LMNB2: variants seen among roughly 807,000 people sequenced by gnomAD.
LMNB2 encodes lamin-B2.
A neutral mutation model predicts 69.3 loss-of-function variants in LMNB2; 17 were observed. The observed-to-expected ratio is 0.25, with a 90% CI of 0.17 to 0.37. The LOEUF (loss-of-function observed/expected upper bound fraction) is 0.37, where lower values mean the gene tolerates loss of function less well. Ranked by LOEUF, LMNB2 falls within the 10% of genes least tolerant of loss-of-function variation. The pLI is 1.00. For missense variants in LMNB2, 789 were observed against 883.6 expected (o/e 0.89, Z 1.36); for synonymous variants, 397 against 389.3 (o/e 1.02, Z -0.23).
intron 4 of LMNB2, among the ~76,000 whole-genome samples, chr19:2,437,431 G>A (rs1971841347): frequency 6.6e-6 from 1 of 152,246 alleles, no homozygotes; most frequent in Non-Finnish European, 1.5e-5. Flanking sequence ...CAGGCGGCCA[G>A]GGTTCAGCTC....
intron 1 of LMNB2, among the ~76,000 whole-genome samples, chr19:2,456,011 G>A (rs1316992639): frequency 6.6e-6 from 1 of 150,884 alleles, no homozygotes; most frequent in African/African-American, 2.4e-5. Context: ...CGCACCCCGC[G>A]GTGGCCAGGA....
At chr19:2,446,412 C>T (rs917236922) in intron 1 of LMNB2, among the ~76,000 whole-genome samples, 2 of 152,208 alleles carry the variant, frequency 1.3e-5, no homozygotes, top group South Asian at 2.1e-4. Flanking sequence ...CAGGTGAACT[C>T]GAGGCACATG....
In LMNB2 at chr19:2,435,191, G is replaced by T. The variant is rs1475350474; in HGVS notation, c.685-20C>A. On this transcript the variant is annotated intron_variant, in intron 4 of 11. Coordinates refer to ENST00000325327, the MANE Select transcript of LMNB2 (RefSeq NM_032737.4). ...CACCTCCTGCGGACCAAGGCTTCGT[G>T]ACCCTCTGGTCCCGCCTGGGCCCCA... is the stretch of plus-strand genomic sequence containing the variant. 6.3e-7 allele frequency: 1 copy of T among 1,598,862 alleles called. No individual in the cohort carries two copies. The highest frequency in any genetic ancestry group is 1.1e-5 in the South Asian group (1 of 91,004).
chr19:2,438,588 A>G, intron 2 of LMNB2, 57 bp from the exon 3 acceptor site: 1 of 1,586,070 alleles, frequency 6.3e-7, no homozygotes, highest in Non-Finnish European at 8.6e-7. Flanking sequence ...GGCCACAGGG[A>G]GCACCTCAGG....
At chr19:2,436,638 C>T (rs1599333614) in intron 4 of LMNB2, among the ~76,000 whole-genome samples, 1 of 144,928 alleles carries the variant, frequency 6.9e-6, no homozygotes, top group Admixed American at 6.8e-5. Context: ...CCCCCACAGC[C>T]GCGCACCCAC....
In LMNB2 at chr19:2,430,260, G is replaced by A. The variant is rs1323164625; in HGVS notation, c.*651C>T. On this transcript the variant is annotated 3_prime_UTR_variant, in exon 12 of 12. Coordinates refer to ENST00000325327, the MANE Select transcript of LMNB2 (RefSeq NM_032737.4). The stretch of plus-strand genomic sequence containing the variant: ...TGCACAGTCAGGAACTGAACTGCGG[G>A]AAAACTCCCCCAAATAAAGTCAACG... 1 of 173,998 alleles carries A rather than the reference G, an allele frequency of 5.7e-6. No individual in the cohort carries two copies. Among genetic ancestry groups the A allele is most frequent in the Admixed American group, 5.4e-5 (1 of 18,560 alleles). 10.8% of individuals were successfully genotyped at this position (173,998 alleles called of 1,614,324 possible). A position where few individuals can be genotyped will look rare whatever the true frequency, so the allele number is the denominator to read the frequency against.
At chr19:2,435,294 T>C (rs984251654) in intron 4 of LMNB2, 123 bp from the exon 5 acceptor site, 40 of 1,335,030 alleles carry the variant, frequency 3.0e-5, no homozygotes, top group Middle Eastern at 2.6e-4. Context: ...GTGCACAAGT[T>C]ACAAACCGAT....
At position 2,456,880 on chromosome 19, in the gene LMNB2, G is replaced by T. The variant is rs1972097791; in HGVS notation, c.54C>A (p.Ala18=). Residue 18 remains alanine, a synonymous_variant, in exon 1 of 12, where the codon GCC becomes GCA. Coordinates refer to ENST00000325327, the MANE Select transcript of LMNB2 (RefSeq NM_032737.4). ...RRREQRRPRA[A]ATMATPLPGR... is the part of the protein sequence containing the mutation. ...CGGGCAGCGGCGTGGCCATGGTGGCGGCGGCTCGCGGCCTGCGCTGCTCCC... is the reference window on the plus strand; with the variant it reads ...CGGGCAGCGGCGTGGCCATGGTGGCTGCGGCTCGCGGCCTGCGCTGCTCCC... 1.8e-6 allele frequency: 2 copies of T among 1,089,696 alleles called. No homozygotes were observed. Among genetic ancestry groups the T allele is most frequent in the South Asian group, 4.3e-5 (1 of 23,326 alleles). 67.5% of individuals were successfully genotyped at this position (1,089,696 alleles called of 1,614,324 possible).
At chr19:2,438,616 A>G in intron 2 of LMNB2, 85 bp from the exon 3 acceptor site, 1 of 1,517,920 alleles carries the variant, frequency 6.6e-7, no homozygotes, top group Non-Finnish European at 8.9e-7. Flanking sequence ...AGGCAAGCCC[A>G]AAGACAAGGT....
At chr19:2,448,589 T>G (rs1971985850) in intron 1 of LMNB2, among the ~76,000 whole-genome samples, 2 of 152,208 alleles carry the variant, frequency 1.3e-5, no homozygotes, top group South Asian at 4.1e-4. Context: ...GGCTCACCCC[T>G]GTCATCCCAG....
rs1972048503 is a variant in LMNB2 at position 2,453,156 on chromosome 19, A to AC, written c.264+3513dup. The stretch of plus-strand genomic sequence containing the variant: ...GGGCGCTGAGCAGTACCCAGCCTCC[A>AC]CCCACGCTGTGCCGATGCCGTCTCC... On this transcript the variant is annotated intron_variant, in intron 1 of 11. Transcript: ENST00000325327. This position sits in a 1 kb window ranked among gnomAD's most constrained non-coding sequence, Gnocchi z 4.4. 2.6e-5 allele frequency among the ~76,000 whole-genome samples: 4 copies of AC among 151,582 alleles called. 1 individual carries two copies. The South Asian group carries it at 8.3e-4, about 31-fold the overall frequency.
rs1568200210 is a variant in LMNB2 at position 2,430,804 on chromosome 19, C to T, written c.*107G>A. 1.1e-6 allele frequency: 1 copy of T among 871,972 alleles called. No individual in the cohort carries two copies. Among genetic ancestry groups the T allele is most frequent in the Non-Finnish European group, 2.0e-6 (1 of 507,276 alleles). The allele number at this position is 871,972 out of a possible 1,614,324, so 54.0% of individuals were successfully genotyped here. On this transcript the variant is annotated 3_prime_UTR_variant, in exon 12 of 12. Coordinates refer to ENST00000325327, the MANE Select transcript of LMNB2 (RefSeq NM_032737.4). ...CCCACCCACACGTTCTGGCAGTTCG[C>T]TTAGAAATTCTCTAGAAATGTATCA...
intron 8 of LMNB2, among the ~76,000 whole-genome samples, 165 bp from the exon 9 acceptor site, chr19:2,432,688 G>A (rs1444053507): frequency 1.4e-5 from 2 of 147,314 alleles, no homozygotes; most frequent in East Asian, 2.0e-4. Context: ...CCCCTGCCTC[G>A]TCCTGACCGG....
chr19:2,452,944 T>C (rs1172538676), intron 1 of LMNB2, among the ~76,000 whole-genome samples: 1 of 134,094 alleles, frequency 7.5e-6, no homozygotes, highest in East Asian at 2.4e-4. Flanking sequence ...TGCGTCATCC[T>C]CATGGGGGCT....
In LMNB2 at chr19:2,438,657, G is replaced by A. The variant is rs566017465; in HGVS notation, c.402-126C>T. ...AGGCCTCCGAGCCCCAGACCTTCCC[G>A]TCCTGCAGACGACGCGGCCCCACGC... On this transcript the variant is annotated intron_variant, in intron 2 of 11. Transcript: ENST00000325327. The A allele has an allele frequency of 8.1e-5, 97 of 1,193,128 alleles. No homozygotes were observed. In the African/African-American group the frequency reaches 9.7e-4, roughly 12 times the overall value. 73.9% of individuals were successfully genotyped at this position (1,193,128 alleles called of 1,614,324 possible).
chr19:2,430,824 G>A lies in LMNB2; in HGVS notation c.*87C>T. ...GTTCGCTTAGAAATTCTCTAGAAATGTATCAAGAACTAAAGAAAGCCAATG... is the reference window on the plus strand; with the variant it reads ...GTTCGCTTAGAAATTCTCTAGAAATATATCAAGAACTAAAGAAAGCCAATG... On this transcript the variant is annotated 3_prime_UTR_variant, in exon 12 of 12. Transcript: ENST00000325327. 2.2e-6 allele frequency: 2 copies of A among 926,710 alleles called. No homozygotes were observed. Among genetic ancestry groups the A allele is most frequent in the Non-Finnish European group, 1.8e-6 (1 of 552,424 alleles). 57.4% of individuals were successfully genotyped at this position (926,710 alleles called of 1,614,324 possible).
At chr19:2,436,608 C>A (rs1323119376) in intron 4 of LMNB2, among the ~76,000 whole-genome samples, 1 of 147,586 alleles carries the variant, frequency 6.8e-6, no homozygotes. Context: ...CGCTCACCCA[C>A]CTGCACTGCC....
In LMNB2 at chr19:2,456,784, C is replaced by T; in HGVS notation, c.150G>A (p.Leu50=). The change falls in exon 1 of 12, where the codon CTG becomes CTA. Residue 50 remains leucine, a synonymous_variant. Transcript: ENST00000325327. Reference sequence around the variant, plus strand: ...GCGCCAGGCGGTCGTTGAGCTCGCGCAGCTCCTCCTTCTCCTGCAGCCGCG... The same window carrying T: ...GCGCCAGGCGGTCGTTGAGCTCGCGTAGCTCCTCCTTCTCCTGCAGCCGCG... ...RLSRLQEKEE[L]RELNDRLAHY... 6.5e-7 allele frequency: 1 copy of T among 1,535,536 alleles called. No homozygotes were observed. Among genetic ancestry groups the T allele is most frequent in the Non-Finnish European group, 8.8e-7 (1 of 1,140,396 alleles).
At chr19:2,454,746 G>C (rs184934532) in intron 1 of LMNB2, among the ~76,000 whole-genome samples, 1 of 152,158 alleles carries the variant, frequency 6.6e-6, no homozygotes, top group African/African-American at 2.4e-5. Context: ...ACCCATGGCA[G>C]GAATCAAGTG....
Sources: allele counts gnomAD v4.1 joint callset (sites outside exome capture counted in the v4.1 genomes callset), GRCh38; gene constraint gnomAD v4.1.1; non-coding constraint Gnocchi (gnomAD v3.1); transcripts MANE v1.5; gene names NCBI Gene and HGNC (gene_info 2026-07-23, HGNC 2026-07-21).